The following FAR2 variants were observed in gnomAD, a reference collection of about 807,000 sequenced individuals.
The protein encoded by FAR2 is epididymis secretory protein Li 81.
Under a neutral mutation model 56.0 loss-of-function variants are expected in FAR2, and 19 were observed. The observed-to-expected ratio is 0.34, with a 90% CI of 0.24 to 0.50. FAR2 has a LOEUF of 0.50. FAR2 is among the 20% of genes least tolerant of loss of function. The pLI is 0.98. For synonymous variants in FAR2, 219 were observed against 218.8 expected (o/e 1.00, Z -0.01); for missense variants, 508 against 642.2 (o/e 0.79, Z 2.26).
At chr12:29,177,098 G>A (rs150033958) in intron 1 of FAR2, among the ~76,000 whole-genome samples, 145 of 152,230 alleles carry the variant, frequency 9.5e-4, no homozygotes, top group Middle Eastern at 6.8e-3. Flanking sequence ...AAATGCATTC[G>A]ATTTAAATAA....
chr12:29,239,451 A>AGTGT (rs1555112999), intron 1 of FAR2, among the ~76,000 whole-genome samples: 1 of 60,300 alleles, frequency 1.7e-5, no homozygotes, highest in Non-Finnish European at 3.3e-5. Flanking sequence ...AAATGAATCA[A>AGTGT]CTGTGTGTGT....
intron 1 of FAR2, among the ~76,000 whole-genome samples, chr12:29,206,081 A>G (rs1334043564): frequency 6.6e-6 from 1 of 152,234 alleles, no homozygotes; most frequent in Non-Finnish European, 1.5e-5. Context: ...ATATTCAGCC[A>G]GTGAGAATGG....
intron 1 of FAR2, among the ~76,000 whole-genome samples, chr12:29,163,743 C>T (rs1949801556): frequency 6.6e-6 from 1 of 152,174 alleles, no homozygotes; most frequent in Non-Finnish European, 1.5e-5. Flanking sequence ...TGTGTGGAGA[C>T]TGGGAGACAG....
At chr12:29,195,125 T>C (rs2136610769) in intron 1 of FAR2, among the ~76,000 whole-genome samples, 1 of 152,340 alleles carries the variant, frequency 6.6e-6, no homozygotes, top group East Asian at 1.9e-4. Flanking sequence ...TATACATTTT[T>C]CTTCAAAACA....
intron 8 of FAR2, among the ~76,000 whole-genome samples, chr12:29,314,910 T>C (rs1949420536): frequency 6.6e-6 from 1 of 152,200 alleles, no homozygotes; most frequent in Admixed American, 6.5e-5. Flanking sequence ...AGTAATTGTA[T>C]GTTGCTGAGC....
intron 8 of FAR2, among the ~76,000 whole-genome samples, chr12:29,314,285 A>T (rs1348055957): frequency 1.3e-5 from 2 of 152,240 alleles, no homozygotes; most frequent in East Asian, 3.9e-4. Context: ...TTAAATAGGC[A>T]TTATTCTTGG....
chr12:29,232,217 G>A (rs1030029592), intron 1 of FAR2, among the ~76,000 whole-genome samples: 10 of 152,178 alleles, frequency 6.6e-5, no homozygotes, highest in Admixed American at 3.9e-4. Flanking sequence ...TAGAGCAAAG[G>A]CCTCAGCCTG....
At chr12:29,330,011 G>A (rs1949707309) in intron 10 of FAR2, among the ~76,000 whole-genome samples, 1 of 150,940 alleles carries the variant, frequency 6.6e-6, no homozygotes, top group Non-Finnish European at 1.5e-5. Flanking sequence ...TGTTCAAAAG[G>A]AAGAATGAAT....
In FAR2 at chr12:29,199,591, C is replaced by A. The variant is rs1326950962; in HGVS notation, c.-39+50184C>A. Among the ~76,000 whole-genome samples the A allele has an allele frequency of 5.9e-5, 8 of 135,924 alleles. No individual in the cohort carries two copies. The South Asian group carries it at 9.7e-4, about 16-fold the overall frequency. 89.2% of individuals were successfully genotyped at this position (135,924 alleles called of 152,430 possible). A position where few individuals can be genotyped will look rare whatever the true frequency, so the allele number is the denominator to read the frequency against. The stretch of plus-strand genomic sequence containing the variant: ...CTCCAGCCTGGGGGACAGAGCGAGA[C>A]CCCGTCTCAAAAAAAAAAAAAAAAG... On this transcript the variant is annotated intron_variant, in intron 1 of 11. Transcript: ENST00000536681.
intron 1 of FAR2, among the ~76,000 whole-genome samples, chr12:29,160,355 C>G (rs1949771399): frequency 6.6e-6 from 1 of 152,198 alleles, no homozygotes; most frequent in African/African-American, 2.4e-5. Flanking sequence ...TTCCATGGCT[C>G]TCCATTCCCT....
At chr12:29,248,320 A>G (rs529779607) in intron 1 of FAR2, among the ~76,000 whole-genome samples, 3 of 152,186 alleles carry the variant, frequency 2.0e-5, no homozygotes, top group South Asian at 2.1e-4. Context: ...AGCTTGAGAA[A>G]TAAAGGGACA....
rs75758203 is a variant in FAR2 at position 29,268,523 on chromosome 12, G to T, written c.-38-1889G>T. On this transcript the variant is annotated intron_variant, in intron 1 of 11. Coordinates refer to ENST00000536681, the MANE Select transcript of FAR2 (RefSeq NM_001271783.2). ...ATGTGGACAAACCAAGCCTTGCATT[G>T]CAGCCCAAGCTATTTCAGGGCACAC... is the stretch of plus-strand genomic sequence containing the variant. Among the ~76,000 whole-genome samples the T allele has an allele frequency of 5.0e-3, 764 of 152,210 alleles. 27 individuals carry two copies. The East Asian group carries it at 0.071, about 14-fold the overall frequency.
chr12:29,162,244 GA>G (rs1205573559), intron 1 of FAR2, among the ~76,000 whole-genome samples: 1 of 152,124 alleles, frequency 6.6e-6, no homozygotes, highest in Non-Finnish European at 1.5e-5. Flanking sequence ...CTATCCATCT[GA>G]AATTAATTTT....
intron 1 of FAR2, among the ~76,000 whole-genome samples, chr12:29,248,567 C>T (rs1440260945): frequency 6.6e-6 from 1 of 152,142 alleles, no homozygotes; most frequent in Non-Finnish European, 1.5e-5. Flanking sequence ...ACCACAAGAC[C>T]AGGGCAAAAT....
At chr12:29,269,727 C>T (rs1056857232) in intron 1 of FAR2, among the ~76,000 whole-genome samples, 2 of 152,140 alleles carry the variant, frequency 1.3e-5, no homozygotes, top group Admixed American at 6.5e-5. Flanking sequence ...TGGCTTCAGC[C>T]GGTCCCTCTG....
intron 1 of FAR2, among the ~76,000 whole-genome samples, chr12:29,211,996 G>A (rs1342708509): frequency 6.6e-6 from 1 of 151,384 alleles, no homozygotes; most frequent in East Asian, 1.9e-4. Context: ...GAAGCTAGGA[G>A]AGAGAGGCCT....
At chr12:29,175,501 G>A (rs570073422) in intron 1 of FAR2, among the ~76,000 whole-genome samples, 1 of 152,378 alleles carries the variant, frequency 6.6e-6, no homozygotes, top group African/African-American at 2.4e-5. Flanking sequence ...TAAGAACAAA[G>A]CTTCCTCAAT....
intron 2 of FAR2, among the ~76,000 whole-genome samples, chr12:29,272,943 T>C (rs898698549): frequency 1.3e-5 from 2 of 152,102 alleles, no homozygotes; most frequent in East Asian, 1.9e-4. Context: ...TCAGGCCTTA[T>C]TCATCTGATT....
chr12:29,187,980 T>C (rs1430312106), intron 1 of FAR2, among the ~76,000 whole-genome samples: 2 of 152,224 alleles, frequency 1.3e-5, no homozygotes, highest in East Asian at 3.8e-4. Context: ...GACCATAATT[T>C]GCTGGCCCTT....
Sources: gnomAD v4.1 joint callset for allele counts (sites outside exome capture counted in the v4.1 genomes callset) on GRCh38, gnomAD v4.1.1 for gene constraint, MANE v1.5 for transcripts, NCBI Gene and HGNC (gene_info 2026-07-23, HGNC 2026-07-21) for gene names.